PSMA1: variants seen among roughly 807,000 people sequenced by gnomAD.
PSMA1 encodes the protein proteasome subunit alpha type-1.
A neutral mutation model predicts 38.4 loss-of-function variants in PSMA1; 3 were observed. The ratio of observed to expected loss-of-function variants is 0.08; its 90% CI spans 0.04 to 0.20. PSMA1 has a LOEUF of 0.20. Among genes scored for constraint, PSMA1 ranks in the 10% least tolerant of loss-of-function variants. The pLI is 1.00. For missense variants in PSMA1, 227 were observed against 325.3 expected (o/e 0.70, Z 2.32); for synonymous variants, 101 against 107.1 (o/e 0.94, Z 0.35).
At chr11:14,598,028 AGTT>A (rs1852523910) in intron 2 of PSMA1, among the ~76,000 whole-genome samples, 1 of 152,088 alleles carries the variant, frequency 6.6e-6, no homozygotes, top group Non-Finnish European at 1.5e-5. Flanking sequence ...CTCAGGAGCA[AGTT>A]GTTCAGTTTC....
chr11:14,538,718 G>A (rs1223072053), intron 2 of PSMA1, among the ~76,000 whole-genome samples: 1 of 152,234 alleles, frequency 6.6e-6, no homozygotes, highest in East Asian at 1.9e-4. Context: ...AGCACCGTTT[G>A]GAAGGGAGTG....
intron 1 of PSMA1, among the ~76,000 whole-genome samples, chr11:14,629,294 G>A (rs1852966671): frequency 6.6e-6 from 1 of 152,088 alleles, no homozygotes; most frequent in South Asian, 2.1e-4. Context: ...GGTTTTTATG[G>A]TTTTAGGTCT....
At chr11:14,642,673 T>C (rs573385187) in intron 1 of PSMA1, among the ~76,000 whole-genome samples, 71 of 152,314 alleles carry the variant, frequency 4.7e-4, no homozygotes, top group African/African-American at 1.6e-3. Context: ...GGTCATGAGG[T>C]TGAAGCGAGA....
intron 2 of PSMA1, among the ~76,000 whole-genome samples, chr11:14,607,251 C>T (rs1378976967): frequency 6.6e-6 from 1 of 152,184 alleles, no homozygotes; most frequent in Non-Finnish European, 1.5e-5. Context: ...TTCCCAGACT[C>T]TAATTCTTTT....
At chr11:14,638,562 TATATATATATATATATATATATA>T (rs1423892846) in intron 1 of PSMA1, among the ~76,000 whole-genome samples, 38 of 14,718 alleles carry the variant, frequency 2.6e-3, no homozygotes, top group East Asian at 0.022. Context: ...TATATATATA[TATATATATATATATATATATATA>T]TTTTTTTTTT....
intron 2 of PSMA1, among the ~76,000 whole-genome samples, chr11:14,599,863 C>G (rs925214272): frequency 1.3e-5 from 2 of 152,148 alleles, no homozygotes; most frequent in African/African-American, 4.8e-5. Context: ...CTGGTTTCTC[C>G]CCATCTTTGT....
At chr11:14,518,966 T>A (rs776493094) in intron 2 of PSMA1, 31 bp downstream of exon 2, 1 of 1,526,136 alleles carries the variant, frequency 6.6e-7, no homozygotes, top group Non-Finnish European at 8.9e-7. Flanking sequence ...AAAAGCCACT[T>A]CACAGAAAAG....
intron 2 of PSMA1, among the ~76,000 whole-genome samples, chr11:14,571,133 G>A (rs1852134656): frequency 6.6e-6 from 1 of 152,180 alleles, no homozygotes; most frequent in African/African-American, 2.4e-5. Context: ...CGAGATCGCG[G>A]ATCATGGCAA....
At chr11:14,622,440 T>C (rs571200790) in intron 1 of PSMA1, among the ~76,000 whole-genome samples, 1 of 152,314 alleles carries the variant, frequency 6.6e-6, no homozygotes, top group Non-Finnish European at 1.5e-5. Context: ...ATGCTGATTG[T>C]TTAGAATGAG....
At chr11:14,548,189 T>C (rs986236134) in intron 2 of PSMA1, among the ~76,000 whole-genome samples, 19 of 152,220 alleles carry the variant, frequency 1.2e-4, no homozygotes, top group Admixed American at 1.1e-3. Flanking sequence ...TTTTTCTATT[T>C]ATTTATTTTT....
At chr11:14,602,029 T>C (rs2134194240) in intron 2 of PSMA1, among the ~76,000 whole-genome samples, 1 of 152,324 alleles carries the variant, frequency 6.6e-6, no homozygotes, top group African/African-American at 2.4e-5. Flanking sequence ...GGTTCCTCAC[T>C]ATAGATTCAT....
At chr11:14,557,432 C>T (rs1269685358) in intron 2 of PSMA1, among the ~76,000 whole-genome samples, 6 of 151,920 alleles carry the variant, frequency 3.9e-5, no homozygotes, top group Admixed American at 2.0e-4. Flanking sequence ...TTAGTAGAAA[C>T]GGGGTTTCAC....
intron 2 of PSMA1, among the ~76,000 whole-genome samples, chr11:14,590,530 A>G (rs1852400514): frequency 1.3e-5 from 2 of 152,228 alleles, no homozygotes; most frequent in Non-Finnish European, 2.9e-5. Flanking sequence ...TGAAAACATC[A>G]GTGGGACTAA....
upstream of PSMA1, among the ~76,000 whole-genome samples, chr11:14,523,497 C>G (rs1391210553): frequency 6.6e-6 from 1 of 152,112 alleles, no homozygotes; most frequent in South Asian, 2.1e-4. Flanking sequence ...TCATGAATGC[C>G]TGGCCTTAAA....
intron 2 of PSMA1, among the ~76,000 whole-genome samples, chr11:14,540,855 GA>G (rs1402293556): frequency 7.5e-6 from 1 of 133,070 alleles, no homozygotes; most frequent in Non-Finnish European, 1.6e-5. Context: ...TAGTGTAAAA[GA>G]AAAAAAAGTT....
chr11:14,629,488 T>C (rs1451208571), intron 1 of PSMA1, among the ~76,000 whole-genome samples: 21 of 151,144 alleles, frequency 1.4e-4, no homozygotes, highest in Non-Finnish European at 2.2e-4. Flanking sequence ...AGATATGCGG[T>C]GTTATTTCTG....
At chr11:14,518,215 C>T (rs1418769552) in intron 2 of PSMA1, among the ~76,000 whole-genome samples, 1 of 151,840 alleles carries the variant, frequency 6.6e-6, no homozygotes, top group Non-Finnish European at 1.5e-5. Flanking sequence ...AGTCCTCTCA[C>T]CTCACTGTCC....
At chr11:14,583,296 T>G (rs1351523297) in intron 2 of PSMA1, among the ~76,000 whole-genome samples, 1 of 152,196 alleles carries the variant, frequency 6.6e-6, no homozygotes, top group East Asian at 1.9e-4. Flanking sequence ...ACATCACACA[T>G]GAGGCCTAAA....
At chr11:14,581,349 G>A (rs978786548) in intron 2 of PSMA1, among the ~76,000 whole-genome samples, 3 of 152,276 alleles carry the variant, frequency 2.0e-5, no homozygotes, top group Non-Finnish European at 4.4e-5. Context: ...CAGTGTAACA[G>A]TTAGGAATCC....
Sources: allele counts gnomAD v4.1 joint callset (sites outside exome capture counted in the v4.1 genomes callset), GRCh38; gene constraint gnomAD v4.1.1; transcripts MANE v1.5; gene names NCBI Gene and HGNC (gene_info 2026-07-23, HGNC 2026-07-21).